Variants in GJA3 observed in about 807,000 individuals in gnomAD.
GJA3 encodes gap junction protein alpha 3, also known as gap junction alpha-3 protein.
For synonymous variants in GJA3, 297 were observed against 292.6 expected, an observed-to-expected ratio of 1.02 and a Z score of -0.15; for missense variants, 571 against 620.3, an observed-to-expected ratio of 0.92 and a Z score of 0.84.
chr13:20,148,160 C>G (rs1260358021), intron 1 of GJA3, among the ~76,000 whole-genome samples: 1 of 152,058 alleles, frequency 6.6e-6, no homozygotes, highest in Non-Finnish European at 1.5e-5. Flanking sequence ...GCCTCCCCAG[C>G]AGATGCGGTA....
chr13:20,159,217 A>G (rs1958923290), intron 1 of GJA3, among the ~76,000 whole-genome samples: 1 of 151,912 alleles, frequency 6.6e-6, no homozygotes, highest in Non-Finnish European at 1.5e-5. Flanking sequence ...AGGACAGCAA[A>G]ACAATTAAGA....
Position 20,143,140 on chromosome 13 carries a change from G to C in GJA3, c.149C>G (p.Ser50Ter). 6.2e-7 allele frequency: 1 copy of C among 1,613,070 alleles called. No individual in the cohort carries two copies. Among genetic ancestry groups the C allele is most frequent in the South Asian group, 1.1e-5 (1 of 90,938 alleles). Residue 50 changes from serine (S) to a stop codon, truncating the protein, a stop_gained, in exon 2 of 2, where the codon TCA (serine) becomes TGA (stop). Transcript: ENST00000241125. LOFTEE classifies it low-confidence loss of function (END_TRUNC). ...CTGCTGGGTGTTGCAGGTGAAGTCT[G>C]ACTGCTCATCGCCCCACACGTCCTC... The part of the protein sequence containing the change: ...AAEDVWGDEQ[S>*]DFTCNTQQPG...
chr13:20,149,950 A>G (rs190763218), intron 1 of GJA3, among the ~76,000 whole-genome samples: 107 of 152,364 alleles, frequency 7.0e-4, no homozygotes, highest in Non-Finnish European at 1.3e-3. Flanking sequence ...GGGCCTCAGG[A>G]ACAGCGTGGT....
intron 1 of GJA3, among the ~76,000 whole-genome samples, chr13:20,151,172 G>A (rs1170225060): frequency 3.9e-5 from 6 of 152,260 alleles, no homozygotes; most frequent in South Asian, 2.1e-4. Context: ...GAGGGCAGGC[G>A]TGGGCAGAAG....
At chr13:20,146,518 C>A (rs151026895) in intron 1 of GJA3, among the ~76,000 whole-genome samples, 5 of 152,324 alleles carry the variant, frequency 3.3e-5, no homozygotes, top group Admixed American at 1.3e-4. Flanking sequence ...AAGAGCCTTG[C>A]GACCTCTGAG....
chr13:20,147,285 T>C (rs183441195), intron 1 of GJA3, among the ~76,000 whole-genome samples: 1 of 152,316 alleles, frequency 6.6e-6, no homozygotes, highest in Admixed American at 6.5e-5. Flanking sequence ...TCCAGATTTC[T>C]TATGTGAGGG....
At position 20,143,053 on chromosome 13, in the gene GJA3, G is replaced by T; in HGVS notation, c.236C>A (p.Ala79Glu). Residue 79 changes from alanine (A) to glutamate (E), a missense_variant, in exon 2 of 2, where the codon GCG becomes GAG. By Grantham distance (107) the Ala-to-Glu change is moderately radical (BLOSUM62 -1). Transcript: ENST00000241125. ...CGTGGACACGAAGATGATCTGCAGC[G>T]CCCAGAAGCGGATGTGGGAGATGGG... is the stretch of plus-strand genomic sequence containing the variant. ...AFPISHIRFW[A>E]LQIIFVSTPT... is the part of the protein sequence containing the mutation. 2 of 1,613,580 alleles carry T rather than the reference G, an allele frequency of 1.2e-6. No homozygotes were observed. Among genetic ancestry groups the T allele is most frequent in the Non-Finnish European group, 1.7e-6 (2 of 1,179,764 alleles).
chr13:20,142,718 C>A lies in GJA3; in HGVS notation c.571G>T (p.Asp191Tyr). The A allele has an allele frequency of 6.2e-7, 1 of 1,613,952 alleles. No individual in the cohort carries two copies. Among genetic ancestry groups the A allele is most frequent in the Non-Finnish European group, 8.5e-7 (1 of 1,179,968 alleles). Residue 191 changes from aspartate to tyrosine, a missense_variant, in exon 2 of 2, where the codon GAC (aspartate) becomes TAC (tyrosine). By Grantham distance (160) the Asp-to-Tyr change is radical. Transcript: ENST00000241125. ...CDRWPCPNTV[D>Y]CFISRPTEKT... is the part of the protein sequence containing the mutation. ...TCCGTGGGCCTGGAGATGAAGCAGT[C>A]CACCGTGTTGGGGCAGGGCCAGCGG...
At chr13:20,157,522 C>A (rs1958913037) in intron 1 of GJA3, among the ~76,000 whole-genome samples, 2 of 152,172 alleles carry the variant, frequency 1.3e-5, no homozygotes, top group South Asian at 4.1e-4. Context: ...CAGAGAGGGT[C>A]CTGAGACTTG....
intron 1 of GJA3, among the ~76,000 whole-genome samples, chr13:20,153,754 C>T (rs983687310): frequency 1.3e-5 from 2 of 150,518 alleles, no homozygotes; most frequent in African/African-American, 2.4e-5. Context: ...GCACATTGTG[C>T]ACATGTACCC....
At chr13:20,150,709 AAGGCCCCCTG>A (rs148212466) in intron 1 of GJA3, among the ~76,000 whole-genome samples, 6,424 of 152,300 alleles carry the variant, frequency 0.042, 457 homozygotes, top group African/African-American at 0.15. Context: ...CTGGAGGGCG[AAGGCCCCCTG>A]AGGCCCCGCA....
At chr13:20,153,136 C>T (rs1006454326) in intron 1 of GJA3, among the ~76,000 whole-genome samples, 3 of 152,156 alleles carry the variant, frequency 2.0e-5, no homozygotes, top group African/African-American at 4.8e-5. Context: ...TTTGGTACAT[C>T]GTCCCACCCT....
At chr13:20,145,449 T>G (rs1048532028) in intron 1 of GJA3, among the ~76,000 whole-genome samples, 7 of 152,184 alleles carry the variant, frequency 4.6e-5, no homozygotes, top group Non-Finnish European at 1.0e-4. Context: ...ACTTAATTAC[T>G]GCACTTGAAA....
chr13:20,151,428 C>T (rs192243559), intron 1 of GJA3, among the ~76,000 whole-genome samples: 12 of 152,312 alleles, frequency 7.9e-5, no homozygotes, highest in East Asian at 3.9e-4. Context: ...AGCCCCAGGA[C>T]GGCGTAGAAC....
Position 20,139,084 on chromosome 13 carries a change from TAAA to T in GJA3, c.*2894_*2896del, listed in dbSNP as rs559593631. 34 of 152,194 alleles carry T rather than the reference TAAA, an allele frequency of 2.2e-4. No individual in the cohort carries two copies. The East Asian group carries it at 6.5e-3, about 29-fold the overall frequency. The allele number at this position is 152,194 out of a possible 1,614,324, so 9.4% of individuals were successfully genotyped here. On this transcript the variant is annotated 3_prime_UTR_variant, in exon 2 of 2. Coordinates refer to ENST00000241125, the MANE Select transcript of GJA3 (RefSeq NM_021954.4). ...AAGGATTTATTCGTGTCAATTTTAT[TAAA>T]AAATACAAGAATAACCATTAAAAGT...
chr13:20,145,795 C>A (rs535671647), intron 1 of GJA3, among the ~76,000 whole-genome samples: 2 of 152,214 alleles, frequency 1.3e-5, no homozygotes, highest in Non-Finnish European at 2.9e-5. Flanking sequence ...AGGCCTACAC[C>A]GGTGCCCTGG....
chr13:20,158,945 A>G (rs1055602011), intron 1 of GJA3, among the ~76,000 whole-genome samples: 2 of 151,208 alleles, frequency 1.3e-5, no homozygotes, highest in Non-Finnish European at 1.5e-5. Context: ...AAGAAAAAGA[A>G]AAAGAAAAAA....
intron 1 of GJA3, among the ~76,000 whole-genome samples, chr13:20,156,638 A>G (rs1198422698): frequency 2.6e-5 from 4 of 152,246 alleles, no homozygotes; most frequent in South Asian, 4.1e-4. Context: ...TTAAACTGGA[A>G]GTAATTAAAA....
chr13:20,161,428 G>T (rs1291710417), upstream of GJA3, among the ~76,000 whole-genome samples: 3 of 152,138 alleles, frequency 2.0e-5, no homozygotes, highest in African/African-American at 7.2e-5. Context: ...CCCGCGCCCC[G>T]CTCGCGCCTG....
Sources: allele counts gnomAD v4.1 joint callset (sites outside exome capture counted in the v4.1 genomes callset), GRCh38; gene constraint gnomAD v4.1.1; transcripts MANE v1.5; gene names NCBI Gene and HGNC (gene_info 2026-07-23, HGNC 2026-07-21).